Variants in ERCC5 observed in about 807,000 individuals in gnomAD.
The protein encoded by ERCC5 is DNA excision repair protein ERCC-5.
A neutral mutation model predicts 105.6 loss-of-function variants in ERCC5; 68 were observed. The observed-to-expected ratio is 0.64, with a 90% CI of 0.53 to 0.79. The LOEUF is 0.79. Ranked by LOEUF, ERCC5 falls within the 30% of genes least tolerant of loss-of-function variation. The probability of loss-of-function intolerance (pLI) is 0.00; values close to 1 mark genes in which losing one functional copy is unlikely to be tolerated. For missense variants in ERCC5, 1,373 were observed against 1,426.7 expected, an observed-to-expected ratio of 0.96 and a Z score of 0.61; for synonymous variants, 546 against 526.2, an observed-to-expected ratio of 1.04 and a Z score of -0.51.
chr13:102,866,289 C>T lies in ERCC5; in HGVS notation c.2227C>T (p.Leu743Phe), dbSNP rs746136086. 1 of 1,614,060 alleles carries T rather than the reference C, an allele frequency of 6.2e-7. No individual in the cohort carries two copies. Among genetic ancestry groups the T allele is most frequent in the East Asian group, 2.2e-5 (1 of 44,896 alleles). The stretch of plus-strand genomic sequence containing the variant: ...GGAGTTGGAAACTCTGGAGAGCAAC[C>T]TCTTAGCACAGCAGAATTCACTGAA... ...LEELETLESN[L>F]LAQQNSLKAQ... The change falls in exon 10 of 15, where the codon CTC becomes TTC. Residue 743 changes from leucine (L) to phenylalanine (F), a missense_variant. Leu to Phe is a conservative substitution (Grantham distance 22, BLOSUM62 0). Around this residue, in one of 3 missense-constraint regions of ERCC5, gnomAD observed 1,004 missense variants for 1,059.7 expected, o/e 0.95. Coordinates refer to ENST00000652225, the MANE Select transcript of ERCC5 (RefSeq NM_000123.4).
At chr13:102,866,418 C>A (rs1452743436) in intron 10 of ERCC5, 37 bp downstream of exon 10, 1 of 1,614,008 alleles carries the variant, frequency 6.2e-7, no homozygotes, top group Non-Finnish European at 8.5e-7. Context: ...TTACCACCTT[C>A]TTCAGACCCC....
rs1882499165 is a variant in ERCC5 at position 102,858,329 on chromosome 13, A to G, written c.583A>G (p.Ser195Gly). The G allele has an allele frequency of 6.2e-7, 1 of 1,614,072 alleles. No homozygotes were observed. Among genetic ancestry groups the G allele is most frequent in the Non-Finnish European group, 8.5e-7 (1 of 1,180,018 alleles). The change falls in exon 6 of 15, where the codon AGC (serine) becomes GGC (glycine). Residue 195 changes from serine to glycine, a missense_variant. Transcript: ENST00000652225. Reference protein sequence around the residue: ...AIDIESEDFSSLPPEVKHEIL... With the variant: ...AIDIESEDFSGLPPEVKHEIL... ...AGATATTGAGTCTGAGGACTTCAGC[A>G]GCCTGCCCCCTGAAGTAAAGCATGA...
chr13:102,866,418 C>T, intron 10 of ERCC5, 37 bp downstream of exon 10: 1 of 1,614,008 alleles, frequency 6.2e-7, no homozygotes, highest in South Asian at 1.1e-5. Context: ...TTACCACCTT[C>T]TTCAGACCCC....
At chr13:102,866,577 T>C (rs528968257) in intron 10 of ERCC5, 55 bp from the exon 11 acceptor site, 4 of 1,607,070 alleles carry the variant, frequency 2.5e-6, no homozygotes, top group Non-Finnish European at 3.4e-6. Flanking sequence ...CCCCCTGTGC[T>C]CAGGGCCTGG....
chr13:102,853,952 C>A, intron 3 of ERCC5, 80 bp downstream of exon 3: 1 of 1,371,518 alleles, frequency 7.3e-7, no homozygotes, highest in Non-Finnish European at 1.0e-6. Context: ...GATTCTCTTT[C>A]CCTATCTAAT....
At chr13:102,850,167 C>T (rs938447638) in intron 1 of ERCC5, among the ~76,000 whole-genome samples, 2 of 152,144 alleles carry the variant, frequency 1.3e-5, no homozygotes, top group African/African-American at 4.8e-5. Flanking sequence ...CTCAGGTGGT[C>T]TGCCCGCCTT....
At position 102,853,844 on chromosome 13, in the gene ERCC5, G is replaced by A. The variant is rs1215610999; in HGVS notation, c.352G>A (p.Ala118Thr). 2 of 1,614,170 alleles carry A rather than the reference G, an allele frequency of 1.2e-6. No individual in the cohort carries two copies. The highest frequency in any genetic ancestry group is 2.7e-5 in the African/African-American group (2 of 75,046). The change falls in exon 3 of 15, where the codon GCC becomes ACC. Residue 118 changes from alanine to threonine, a missense_variant. This residue lies in a region of ERCC5 where 1,004 missense variants were observed against 1,059.7 expected (regional missense o/e 0.95). Transcript: ENST00000652225. ...TCTGAAAACATTTTTGAAAAGACAA[G>A]CCATCAAAACTGCCTTCAGAAGCAA... Reference protein sequence around the residue: ...KLLKTFLKRQAIKTAFRSKRD... With the variant: ...KLLKTFLKRQTIKTAFRSKRD...
At chr13:102,846,839 C>G (rs1881986427) in intron 1 of ERCC5, among the ~76,000 whole-genome samples, 1 of 152,166 alleles carries the variant, frequency 6.6e-6, no homozygotes, top group African/African-American at 2.4e-5. Context: ...TCTGCTTTCC[C>G]CAGCTTTGCA....
Position 102,858,332 on chromosome 13 carries a change from C to G in ERCC5, c.586C>G (p.Leu196Val). 3 of 1,614,110 alleles carry G rather than the reference C, an allele frequency of 1.9e-6. No homozygotes were observed. Among genetic ancestry groups the G allele is most frequent in the Non-Finnish European group, 2.5e-6 (3 of 1,180,020 alleles). ...TATTGAGTCTGAGGACTTCAGCAGC[C>G]TGCCCCCTGAAGTAAAGCATGAAAT... ...IDIESEDFSS[L>V]PPEVKHEILT... Residue 196 changes from leucine (L) to valine (V), a missense_variant, in exon 6 of 15, where the codon CTG (leucine) becomes GTG (valine). Physicochemically the swap from Leu to Val is conservative, Grantham distance 32 (BLOSUM62 1). Around this residue, in one of 3 missense-constraint regions of ERCC5, gnomAD observed 1,004 missense variants for 1,059.7 expected, o/e 0.95. Coordinates refer to ENST00000652225, the MANE Select transcript of ERCC5 (RefSeq NM_000123.4).
At chr13:102,866,038 C>T in intron 9 of ERCC5, 127 bp downstream of exon 9, 1 of 1,571,302 alleles carries the variant, frequency 6.4e-7, no homozygotes, top group Non-Finnish European at 8.7e-7. Flanking sequence ...TTGCTGATGG[C>T]TTCATTTTTG....
Position 102,873,269 on chromosome 13 carries a change from C to A in ERCC5, c.2890C>A (p.Arg964=). Residue 964 remains arginine, a synonymous_variant, in exon 14 of 15, where the codon CGG becomes AGG. Coordinates refer to ENST00000652225, the MANE Select transcript of ERCC5 (RefSeq NM_000123.4). ...DLDKIREFCQ[R]YFGWNRTKTD... Reference sequence around the variant, plus strand: ...CTTAACTGCATGCATATTTTGTCAGCGGTATTTCGGCTGGAACAGAACGAA... The same window carrying A: ...CTTAACTGCATGCATATTTTGTCAGAGGTATTTCGGCTGGAACAGAACGAA... The A allele has an allele frequency of 1.2e-6, 2 of 1,614,034 alleles. No individual in the cohort carries two copies. The highest frequency in any genetic ancestry group is 1.7e-6 in the Non-Finnish European group (2 of 1,179,984).
At chr13:102,859,069 C>A in intron 6 of ERCC5, 1 of 343,860 alleles carries the variant, frequency 2.9e-6, no homozygotes, top group Non-Finnish European at 5.9e-6. Context: ...CAGTTGGGTG[C>A]TAGCAAATGT....
Position 102,863,109 on chromosome 13 carries a change from T to C in ERCC5, c.1954+6T>C. ...GGAAGAAAGTGAATCTGATGGTACG[T>C]GTCTGTGCTTTTGTAGAAATCTGGA... On this transcript the variant is annotated splice_donor_region_variant and intron_variant, in intron 8 of 14. Coordinates refer to ENST00000652225, the MANE Select transcript of ERCC5 (RefSeq NM_000123.4). 6.2e-7 allele frequency: 1 copy of C among 1,612,480 alleles called. No homozygotes were observed. The highest frequency in any genetic ancestry group is 1.7e-5 in the Admixed American group (1 of 60,028).
intron 5 of ERCC5, 106 bp from the exon 6 acceptor site, chr13:102,858,169 A>G: frequency 6.7e-7 from 1 of 1,500,028 alleles, no homozygotes; most frequent in Non-Finnish European, 9.1e-7. Context: ...ATTGTTGATT[A>G]TGTAGAACTG....
At position 102,846,475 on chromosome 13, in the gene ERCC5, G is replaced by T. The variant is rs922176705; in HGVS notation, c.88+121G>T. 14 of 862,284 alleles carry T rather than the reference G, an allele frequency of 1.6e-5. No homozygotes were observed. In the Admixed American group the frequency reaches 2.4e-4, roughly 15 times the overall value. The allele number at this position is 862,284 out of a possible 1,614,324, so 53.4% of individuals were successfully genotyped here. On this transcript the variant is annotated intron_variant, in intron 1 of 14. Coordinates refer to ENST00000652225, the MANE Select transcript of ERCC5 (RefSeq NM_000123.4). ...ATGGTCTTGGGTCGGGGTCGGGGTC[G>T]CTATAGAATCTCTGTCACTAGGTTT...
chr13:102,847,976 C>G (rs1390804588), intron 1 of ERCC5, among the ~76,000 whole-genome samples: 1 of 152,164 alleles, frequency 6.6e-6, no homozygotes, highest in East Asian at 1.9e-4. Flanking sequence ...GCCTGGGCAA[C>G]ATAGTGAACC....
chr13:102,865,822 A>T lies in ERCC5; in HGVS notation c.2110A>T (p.Asn704Tyr). 6.2e-7 allele frequency: 1 copy of T among 1,614,212 alleles called. No homozygotes were observed. The highest frequency in any genetic ancestry group is 8.5e-7 in the Non-Finnish European group (1 of 1,180,034). ...PAESESLLRD[N>Y]SERDDVDGEP... is the part of the protein sequence containing the mutation. ...TGAGTCCGAGAGCCTCCTGAGGGACAACTCTGAGAGGGACGACGTGGATGG... is the reference window on the plus strand; with the variant it reads ...TGAGTCCGAGAGCCTCCTGAGGGACTACTCTGAGAGGGACGACGTGGATGG... The change falls in exon 9 of 15, where the codon AAC (asparagine) becomes TAC (tyrosine). Residue 704 changes from asparagine (N) to tyrosine (Y), a missense_variant. By Grantham distance (143) the Asn-to-Tyr change is moderately radical. Transcript: ENST00000652225. This position sits in a 1 kb window ranked among gnomAD's most constrained non-coding sequence, Gnocchi z 4.0.
Position 102,846,198 on chromosome 13 carries a change from C to A in ERCC5, c.-69C>A. 2 of 1,337,504 alleles carry A rather than the reference C, an allele frequency of 1.5e-6. No individual in the cohort carries two copies. The highest frequency in any genetic ancestry group is 2.1e-6 in the Non-Finnish European group (2 of 946,556). The allele number at this position is 1,337,504 out of a possible 1,614,324, so 82.9% of individuals were successfully genotyped here. On this transcript the variant is annotated 5_prime_UTR_variant, in exon 1 of 15. Coordinates refer to ENST00000652225, the MANE Select transcript of ERCC5 (RefSeq NM_000123.4). ...GGCTTCCTCCCGGGGTCCTAGGCGG[C>A]GGTGCAGTCCGTCGTAGAAGAATTA...
Position 102,866,247 on chromosome 13 carries a change from A to G in ERCC5, c.2200-15A>G. 4 of 1,613,720 alleles carry G rather than the reference A, an allele frequency of 2.5e-6. No homozygotes were observed. Among genetic ancestry groups the G allele is most frequent in the Non-Finnish European group, 3.4e-6 (4 of 1,179,838 alleles). On this transcript the variant is annotated splice_polypyrimidine_tract_variant and intron_variant, in intron 9 of 14. Transcript: ENST00000652225. ...ATTATTAATATAAATCTATAAATGA[A>G]AAAACATTTTATAGGAGGAGTTGGA...
Sources: gnomAD v4.1 joint callset for allele counts (sites outside exome capture counted in the v4.1 genomes callset) on GRCh38, gnomAD v4.1.1 for gene constraint, gnomAD v4.1.1 regional missense constraint, Gnocchi (gnomAD v3.1) non-coding constraint, MANE v1.5 for transcripts, NCBI Gene and HGNC (gene_info 2026-07-23, HGNC 2026-07-21) for gene names.